SPOCK1: variants seen among roughly 807,000 people sequenced by gnomAD.
The protein encoded by SPOCK1 is SPARC (osteonectin), cwcv and kazal like domains proteoglycan 1.
SPOCK1 carries 23 observed loss-of-function variants against 55.3 expected under a neutral mutation model. The ratio of observed to expected loss-of-function variants is 0.42; its 90% CI spans 0.30 to 0.59. The LOEUF is 0.59. SPOCK1 is among the 20% of genes least tolerant of loss of function. The pLI, the probability that SPOCK1 is intolerant of heterozygous loss-of-function variation, is 0.22. For missense variants in SPOCK1, 499 were observed against 552.5 expected, an observed-to-expected ratio of 0.90 and a Z score of 0.97; for synonymous variants, 226 against 221.0, an observed-to-expected ratio of 1.02 and a Z score of -0.20.
chr5:137,053,814 A>C (rs10075624), intron 6 of SPOCK1, among the ~76,000 whole-genome samples: 10,411 of 152,176 alleles, frequency 0.068, 414 homozygotes, highest in African/African-American at 0.11. Flanking sequence ...TCTCTAGAAG[A>C]CTTTACTTGC....
At chr5:137,362,058 C>T (rs367712167) in intron 2 of SPOCK1, among the ~76,000 whole-genome samples, 22 of 152,158 alleles carry the variant, frequency 1.4e-4, no homozygotes, top group African/African-American at 5.1e-4. Context: ...TCCAAAACTA[C>T]GAGGGATCAA....
intron 3 of SPOCK1, among the ~76,000 whole-genome samples, chr5:137,160,254 C>A (rs746129709): frequency 6.7e-5 from 10 of 148,348 alleles, no homozygotes; most frequent in Non-Finnish European, 1.0e-4. Context: ...ATAACAGTCT[C>A]CAATCTCATC....
chr5:137,066,995 G>C (rs868644431), intron 6 of SPOCK1, among the ~76,000 whole-genome samples: 915 of 66,638 alleles, frequency 0.014, 6 homozygotes, highest in South Asian at 0.06. Flanking sequence ...CACAGAGAGA[G>C]AGAGAGAGAG....
chr5:137,175,533 T>A lies in SPOCK1; in HGVS notation c.233-34839A>T, dbSNP rs1238810837. ...AATTGCTGGATTGTTCTATTAAGTG[T>A]TATTGTCAGTCAATATAGCTTACTA... is the stretch of plus-strand genomic sequence containing the variant. On this transcript the variant is annotated intron_variant, in intron 3 of 10. Transcript: ENST00000394945. 2.0e-5 allele frequency among the ~76,000 whole-genome samples: 3 copies of A among 152,228 alleles called. No homozygotes were observed. The East Asian group carries it at 5.8e-4, about 29-fold the overall frequency.
intron 2 of SPOCK1, among the ~76,000 whole-genome samples, chr5:137,336,510 A>C (rs1750282028): frequency 6.6e-6 from 1 of 152,226 alleles, no homozygotes; most frequent in African/African-American, 2.4e-5. Context: ...CTGCCAATGT[A>C]CCTGGTAAAG....
chr5:137,318,108 G>A (rs566847450), intron 2 of SPOCK1, among the ~76,000 whole-genome samples: 82 of 152,272 alleles, frequency 5.4e-4, no homozygotes, highest in African/African-American at 1.8e-3. Flanking sequence ...AACTGCATAC[G>A]TTACAAGCAA....
At position 137,225,578 on chromosome 5, in the gene SPOCK1, C is replaced by T. The variant is rs149498045; in HGVS notation, c.232+41432G>A. On this transcript the variant is annotated intron_variant, in intron 3 of 10. Transcript: ENST00000394945. The stretch of plus-strand genomic sequence containing the variant: ...TACTCAAACACAAACTTAGACCTTC[C>T]GCACTCTCAAATGCTAGGGCATGCC... Among the ~76,000 whole-genome samples, 28 of 152,256 alleles carry T rather than the reference C, an allele frequency of 1.8e-4. No individual in the cohort carries two copies. The East Asian group carries it at 4.1e-3, about 22-fold the overall frequency.
intron 2 of SPOCK1, among the ~76,000 whole-genome samples, chr5:137,495,791 C>T (rs897325719): frequency 6.6e-6 from 1 of 152,178 alleles, no homozygotes; most frequent in African/African-American, 2.4e-5. Flanking sequence ...CAGGGACTTG[C>T]CCTAAAAGAG....
At chr5:137,279,592 G>A (rs1757131823) in intron 2 of SPOCK1, among the ~76,000 whole-genome samples, 1 of 152,216 alleles carries the variant, frequency 6.6e-6, no homozygotes, top group Non-Finnish European at 1.5e-5. Flanking sequence ...TGCAACAACA[G>A]AGAAGAGACA....
intron 2 of SPOCK1, among the ~76,000 whole-genome samples, chr5:137,361,014 T>C (rs1750932156): frequency 6.6e-6 from 1 of 152,180 alleles, no homozygotes; most frequent in Non-Finnish European, 1.5e-5. Flanking sequence ...AGGTGAAGTG[T>C]TCGGGAGGTA....
intron 2 of SPOCK1, among the ~76,000 whole-genome samples, chr5:137,377,942 CTTT>C (rs3043282): frequency 2.9e-5 from 3 of 104,616 alleles, no homozygotes; most frequent in African/African-American, 3.6e-5. Context: ...TCACTTCTTC[CTTT>C]TTTTTTTTTT....
intron 4 of SPOCK1, among the ~76,000 whole-genome samples, chr5:137,127,913 G>A (rs528701996): frequency 6.6e-6 from 1 of 152,318 alleles, no homozygotes; most frequent in South Asian, 2.1e-4. Context: ...TGGCTATTGA[G>A]ATAGAATGAG....
At chr5:137,279,534 C>T (rs1161447679) in intron 2 of SPOCK1, among the ~76,000 whole-genome samples, 2 of 152,070 alleles carry the variant, frequency 1.3e-5, no homozygotes, top group Non-Finnish European at 2.9e-5. Flanking sequence ...CAGTCTTTGC[C>T]GCAGCAGCTT....
At chr5:137,455,327 A>G (rs1753341126) in intron 2 of SPOCK1, among the ~76,000 whole-genome samples, 1 of 152,210 alleles carries the variant, frequency 6.6e-6, no homozygotes, top group African/African-American at 2.4e-5. Flanking sequence ...ACAGTAACTC[A>G]TCAAGAAGGA....
At chr5:137,057,662 G>A (rs1434973587) in intron 6 of SPOCK1, among the ~76,000 whole-genome samples, 1 of 152,152 alleles carries the variant, frequency 6.6e-6, no homozygotes, top group Non-Finnish European at 1.5e-5. Context: ...TCTCTGCCCT[G>A]TCAAAGGCCT....
chr5:137,072,078 G>A (rs1752631898), intron 5 of SPOCK1, among the ~76,000 whole-genome samples: 1 of 152,130 alleles, frequency 6.6e-6, no homozygotes, highest in Non-Finnish European at 1.5e-5. Context: ...GTGCCAAGAT[G>A]GCTCAGCTCT....
chr5:137,282,370 T>A (rs1347428799), intron 2 of SPOCK1, among the ~76,000 whole-genome samples: 3 of 152,234 alleles, frequency 2.0e-5, no homozygotes, highest in Admixed American at 1.3e-4. Context: ...ATCACATTAC[T>A]CACAGCTTAA....
intron 2 of SPOCK1, among the ~76,000 whole-genome samples, chr5:137,491,695 A>G (rs1580957245): frequency 1.3e-5 from 2 of 152,326 alleles, no homozygotes; most frequent in Admixed American, 1.3e-4. Context: ...CCTCTCAGAG[A>G]CTATAAACAC....
intron 3 of SPOCK1, among the ~76,000 whole-genome samples, chr5:137,210,260 G>A (rs956109677): frequency 9.9e-5 from 15 of 152,024 alleles, no homozygotes; most frequent in Non-Finnish European, 1.5e-4. Flanking sequence ...AAAGAAACTG[G>A]GCCAAGTTTT....
Sources: allele counts gnomAD v4.1 joint callset (sites outside exome capture counted in the v4.1 genomes callset), GRCh38; gene constraint gnomAD v4.1.1; transcripts MANE v1.5; gene names NCBI Gene and HGNC (gene_info 2026-07-23, HGNC 2026-07-21).